The following EEIG2 variants were observed in gnomAD, a reference collection of about 807,000 sequenced individuals.
The protein encoded by EEIG2 is family with sequence similarity 102 member B.
At chr1:108,586,798 G>C in the EEIG2 span, among the ~76,000 whole-genome samples, 1 of 152,116 alleles carries the variant, frequency 6.6e-6, no homozygotes, top group Non-Finnish European at 1.5e-5. Context: ...TCTGGAAACT[G>C]GCTGATTGGA....
the EEIG2 span, among the ~76,000 whole-genome samples, chr1:108,606,928 G>A: frequency 6.6e-6 from 1 of 152,106 alleles, no homozygotes; most frequent in Non-Finnish European, 1.5e-5. Flanking sequence ...CTCCCAAAGT[G>A]CTGAGATTAC....
the EEIG2 span, chr1:108,638,969 A>C: frequency 1.3e-5 from 2 of 152,358 alleles, no homozygotes; most frequent in South Asian, 4.1e-4. Flanking sequence ...TATGTTGTGT[A>C]TATAGCAAAG....
At chr1:108,564,196 T>C in the EEIG2 span, among the ~76,000 whole-genome samples, 1 of 152,028 alleles carries the variant, frequency 6.6e-6, no homozygotes, top group Admixed American at 6.6e-5. Context: ...ACTGAGTTGT[T>C]GTGTGGTTAA....
chr1:108,629,221 T>C, the EEIG2 span, among the ~76,000 whole-genome samples: 1 of 152,176 alleles, frequency 6.6e-6, no homozygotes, highest in Non-Finnish European at 1.5e-5. Context: ...AGCTGAAAAT[T>C]TGTATGCCAC....
At chr1:108,591,330 C>CA in the EEIG2 span, among the ~76,000 whole-genome samples, 7 of 151,708 alleles carry the variant, frequency 4.6e-5, no homozygotes, top group Middle Eastern at 3.2e-3. Context: ...TTATCACACA[C>CA]AAAAAAAATC....
chr1:108,564,118 A>G, the EEIG2 span, among the ~76,000 whole-genome samples: 2 of 152,234 alleles, frequency 1.3e-5, no homozygotes, highest in South Asian at 4.1e-4. Context: ...GTTTCTTTCT[A>G]CTCTCTTTCT....
chr1:108,628,452 A>G, the EEIG2 span: 9 of 1,614,108 alleles, frequency 5.6e-6, no homozygotes, highest in Non-Finnish European at 7.6e-6. Flanking sequence ...CACAGGAGAA[A>G]TACCTCAGTG....
At chr1:108,596,839 A>G in the EEIG2 span, among the ~76,000 whole-genome samples, 2 of 152,126 alleles carry the variant, frequency 1.3e-5, no homozygotes, top group East Asian at 3.9e-4. Flanking sequence ...GTTGGACTCA[A>G]GTGATTCTCC....
At chr1:108,636,045 G>A in the EEIG2 span, 13 of 152,316 alleles carry the variant, frequency 8.5e-5, no homozygotes, top group African/African-American at 3.1e-4. Flanking sequence ...ACTTATCTGA[G>A]GCTAACAGTT....
At chr1:108,589,020 T>C in the EEIG2 span, among the ~76,000 whole-genome samples, 1 of 152,322 alleles carries the variant, frequency 6.6e-6, no homozygotes, top group East Asian at 1.9e-4. Context: ...ATGAAATTTC[T>C]CATTAGAACA....
the EEIG2 span, among the ~76,000 whole-genome samples, chr1:108,606,789 A>G: frequency 3.9e-5 from 6 of 152,254 alleles, no homozygotes; most frequent in African/African-American, 1.4e-4. Context: ...GAACTGAGAG[A>G]TTGTACACTA....
the EEIG2 span, among the ~76,000 whole-genome samples, chr1:108,564,690 C>T: frequency 8.2e-4 from 125 of 152,248 alleles, no homozygotes; most frequent in African/African-American, 2.8e-3. Context: ...GCCTGTAAAT[C>T]CCAGCACTTT....
chr1:108,609,593 G>C, the EEIG2 span, among the ~76,000 whole-genome samples: 1 of 152,124 alleles, frequency 6.6e-6, no homozygotes, highest in Non-Finnish European at 1.5e-5. Context: ...AAGTGCTAAA[G>C]GCCTTGAAGT....
At chr1:108,599,398 T>C in the EEIG2 span, among the ~76,000 whole-genome samples, 13 of 152,154 alleles carry the variant, frequency 8.5e-5, no homozygotes, top group African/African-American at 3.1e-4. Flanking sequence ...TGCCGTTCTC[T>C]TTTGCTTTCT....
the EEIG2 span, among the ~76,000 whole-genome samples, chr1:108,614,092 A>G: frequency 6.7e-6 from 1 of 150,024 alleles, no homozygotes; most frequent in African/African-American, 2.5e-5. Flanking sequence ...CTCTCCCACT[A>G]TCCATCAGCC....
chr1:108,621,489 T>C, the EEIG2 span, among the ~76,000 whole-genome samples: 1 of 152,214 alleles, frequency 6.6e-6, no homozygotes, highest in East Asian at 1.9e-4. Context: ...GTTCTTCAGC[T>C]TTTTTGAGAC....
At chr1:108,624,446 A>ATC in the EEIG2 span, among the ~76,000 whole-genome samples, 1 of 149,586 alleles carries the variant, frequency 6.7e-6, no homozygotes, top group Non-Finnish European at 1.5e-5. Context: ...AAAAAAAAAA[A>ATC]AAACCCTTTT....
chr1:108,604,951 G>C, the EEIG2 span, among the ~76,000 whole-genome samples: 2 of 152,032 alleles, frequency 1.3e-5, no homozygotes, highest in Non-Finnish European at 2.9e-5. Context: ...GGCTGAGTGG[G>C]AGGATCTCCT....
At chr1:108,611,653 A>C in the EEIG2 span, among the ~76,000 whole-genome samples, 1 of 152,228 alleles carries the variant, frequency 6.6e-6, no homozygotes, top group Non-Finnish European at 1.5e-5. Flanking sequence ...GATTCACTTA[A>C]GTCACTCCAG....
Sources: gnomAD v4.1 joint callset for allele counts (sites outside exome capture counted in the v4.1 genomes callset) on GRCh38, gnomAD v4.1.1 for gene constraint, MANE v1.5 for transcripts, NCBI Gene and HGNC (gene_info 2026-07-23, HGNC 2026-07-21) for gene names.